SLC13A5: variants seen among roughly 807,000 people sequenced by gnomAD.
SLC13A5 encodes the protein solute carrier family 13 member 5, also known as Na(+)/citrate cotransporter.
SLC13A5 carries 25 observed loss-of-function variants against 56.5 expected under a neutral mutation model. The ratio of observed to expected loss-of-function variants is 0.44; its 90% CI spans 0.32 to 0.62. SLC13A5 has a LOEUF of 0.62. Among genes scored for constraint, SLC13A5 ranks in the 20% least tolerant of loss-of-function variants. The pLI is 0.04. For missense variants in SLC13A5, 649 were observed against 737.8 expected, an observed-to-expected ratio of 0.88 and a Z score of 1.39; for synonymous variants, 307 against 301.5, an observed-to-expected ratio of 1.02 and a Z score of -0.19.
chr17:6,696,364 T>C (rs218669), intron 6 of SLC13A5, among the ~76,000 whole-genome samples: 98,749 of 152,148 alleles, frequency 0.65, 33,626 homozygotes, highest in African/African-American at 0.85. Context: ...CTCAGGGAGA[T>C]GCAGGGAGTG....
At position 6,701,673 on chromosome 17, in the gene SLC13A5, G is replaced by A. The variant is rs1282086358; in HGVS notation, c.717-547C>T. ...TGCAGTGAGCCAACATCGCGCCACTGCACTCCAGCCTGGGCGACAGAGCGA... is the reference window on the plus strand; with the variant it reads ...TGCAGTGAGCCAACATCGCGCCACTACACTCCAGCCTGGGCGACAGAGCGA... On this transcript the variant is annotated intron_variant, in intron 5 of 11. Transcript: ENST00000433363. This position sits in a 1 kb window ranked among gnomAD's most constrained non-coding sequence, Gnocchi z 4.1. 1.3e-5 allele frequency among the ~76,000 whole-genome samples: 2 copies of A among 152,218 alleles called. No homozygotes were observed. Among genetic ancestry groups the A allele is most frequent in the African/African-American group, 4.8e-5 (2 of 41,456 alleles).
chr17:6,697,996 G>A (rs546775334), intron 6 of SLC13A5, among the ~76,000 whole-genome samples: 114 of 152,338 alleles, frequency 7.5e-4, no homozygotes, highest in Non-Finnish European at 1.5e-3. Flanking sequence ...GGCCTCAGGT[G>A]GGGAGGTCCA....
rs1293320533 is a variant in SLC13A5 at position 6,693,142 on chromosome 17, G to A, written c.1177C>T (p.Pro393Ser). Residue 393 changes from proline to serine, a missense_variant, in exon 9 of 12, where the codon CCC (proline) becomes TCC (serine). Pro to Ser is a moderately conservative substitution (Grantham distance 74, BLOSUM62 -1). Coordinates refer to ENST00000433363, the MANE Select transcript of SLC13A5 (RefSeq NM_177550.5). ...ACCTTCCAATCCAGCAGGGGAGGGG[G>A]ATAAAATGGAGTTTTCCTTTCTGGG... Reference protein sequence around the residue: ...TEEERKTPFYPPPLLDWKVTQ... With the variant: ...TEEERKTPFYSPPLLDWKVTQ... 2 of 1,605,094 alleles carry A rather than the reference G, an allele frequency of 1.2e-6. No homozygotes were observed. Among genetic ancestry groups the A allele is most frequent in the East Asian group, 2.3e-5 (1 of 43,808 alleles).
At chr17:6,700,004 G>A (rs376108918) in intron 6 of SLC13A5, among the ~76,000 whole-genome samples, 3 of 152,102 alleles carry the variant, frequency 2.0e-5, no homozygotes, top group South Asian at 2.1e-4. Flanking sequence ...ACAGGTTTCC[G>A]TGGGCACTTT....
chr17:6,709,272 C>T (rs1055079862), intron 1 of SLC13A5, among the ~76,000 whole-genome samples: 5 of 149,894 alleles, frequency 3.3e-5, no homozygotes, highest in East Asian at 1.9e-4. Flanking sequence ...TATTTATTTA[C>T]TTACTTACTT....
chr17:6,706,936 TC>T (rs771207025), intron 2 of SLC13A5, 91 bp downstream of exon 2: 2 of 1,569,448 alleles, frequency 1.3e-6, no homozygotes, highest in Admixed American at 3.5e-5. Flanking sequence ...GGTTTTCCGG[TC>T]ACCCCCAGGC....
intron 5 of SLC13A5, 66 bp downstream of exon 5, chr17:6,702,904 G>A (rs1043565630): frequency 1.3e-6 from 2 of 1,563,450 alleles, no homozygotes; most frequent in African/African-American, 2.7e-5. Context: ...GCAGAGAGAG[G>A]TGGGCAGGTC....
chr17:6,696,015 G>A, intron 6 of SLC13A5, 74 bp from the exon 7 acceptor site: 1 of 1,374,960 alleles, frequency 7.3e-7, no homozygotes, highest in Non-Finnish European at 1.0e-6. Flanking sequence ...GAGCCTAAAT[G>A]TTCTACAGCA....
At position 6,687,012 on chromosome 17, in the gene SLC13A5, G is replaced by C. The variant is rs954458284; in HGVS notation, c.1575+517C>G. The C allele has an allele frequency of 6.2e-6, 1 of 162,394 alleles. No individual in the cohort carries two copies. The highest frequency in any genetic ancestry group is 2.4e-5 in the African/African-American group (1 of 41,472). 10.1% of individuals were successfully genotyped at this position (162,394 alleles called of 1,614,324 possible). ...GCAAAGCTGCCCTTCTCCCAGCAAA[G>C]GTGACAGAGCTAATGAAGAGTTCTT... On this transcript the variant is annotated intron_variant, in intron 11 of 11. Transcript: ENST00000433363. The surrounding 1 kb of genome is among the most constrained non-coding windows in gnomAD (Gnocchi z 5.0).
intron 1 of SLC13A5, among the ~76,000 whole-genome samples, chr17:6,712,587 G>T (rs1974070266): frequency 6.6e-6 from 1 of 152,216 alleles, no homozygotes; most frequent in East Asian, 1.9e-4. Context: ...GGCAAAGCAG[G>T]CCAACCCCAA....
rs1974091689 is a variant in SLC13A5, at chr17:6,713,299, T to A, written c.35A>T (p.Lys12Met). ...ASALSYVSKF[K>M]SFVILFVTPL... ...GGTGACGAACAAGATCACGAAGGAC[T>A]TGAACTTGGAGACATAGCTCAGCGC... The change falls in exon 1 of 12, where the codon AAG becomes ATG. Residue 12 changes from lysine (K) to methionine (M), a missense_variant. By Grantham distance (95) the Lys-to-Met change is moderately conservative. Transcript: ENST00000433363. This position sits in a 1 kb window ranked among gnomAD's most constrained non-coding sequence, Gnocchi z 7.3. 1.9e-6 allele frequency: 3 copies of A among 1,613,978 alleles called. No homozygotes were observed. The highest frequency in any genetic ancestry group is 2.2e-5 in the South Asian group (2 of 91,084).
At position 6,706,822 on chromosome 17, in the gene SLC13A5, C is replaced by A. The variant is rs779677795; in HGVS notation, c.232-44G>T. 3.7e-6 allele frequency: 6 copies of A among 1,605,722 alleles called. No homozygotes were observed. The Admixed American group carries it at 1.0e-4, about 27-fold the overall frequency. On this transcript the variant is annotated intron_variant, in intron 2 of 11. Transcript: ENST00000433363. ...GCCTCATCAGGACTGTCCCTTGCCA[C>A]ACACTAGAGCCACCCAGTCCCCAGA...
At chr17:6,686,620 C>A in intron 11 of SLC13A5, 1 of 368,358 alleles carries the variant, frequency 2.7e-6, no homozygotes, top group Non-Finnish European at 5.2e-6. Flanking sequence ...TTAGGCCATT[C>A]AGGGAAACGG....
At chr17:6,691,125 C>T (rs1973396599) in intron 9 of SLC13A5, among the ~76,000 whole-genome samples, 185 bp from the exon 10 acceptor site, 2 of 152,224 alleles carry the variant, frequency 1.3e-5, no homozygotes, top group African/African-American at 4.8e-5. Flanking sequence ...GTATTTCCAG[C>T]CAGCTGGCCT....
intron 1 of SLC13A5, among the ~76,000 whole-genome samples, chr17:6,708,479 C>T (rs75448233): frequency 0.039 from 5,894 of 152,270 alleles, 156 homozygotes; most frequent in Middle Eastern, 0.065. Context: ...AATTGCAATG[C>T]GTAAGCGAAA....
chr17:6,702,415 G>C (rs992437552), intron 5 of SLC13A5, among the ~76,000 whole-genome samples: 5 of 152,146 alleles, frequency 3.3e-5, no homozygotes, highest in African/African-American at 9.7e-5. Flanking sequence ...TGGTTCACCT[G>C]ATACCTCACA....
rs1973211781 is a variant in SLC13A5 at position 6,685,309 on chromosome 17, C to T, written c.*898G>A. The T allele has an allele frequency of 6.6e-6, 1 of 152,244 alleles. No homozygotes were observed. The highest frequency in any genetic ancestry group is 2.4e-5 in the African/African-American group (1 of 41,462). 9.4% of individuals were successfully genotyped at this position (152,244 alleles called of 1,614,324 possible). ...TGGCCCCCAGAGCGCCATCACTGCC[C>T]ATACTTGGAGTGTGATCCTAGCTAT... On this transcript the variant is annotated 3_prime_UTR_variant, in exon 12 of 12. Coordinates refer to ENST00000433363, the MANE Select transcript of SLC13A5 (RefSeq NM_177550.5). This position sits in a 1 kb window ranked among gnomAD's most constrained non-coding sequence, Gnocchi z 4.2.
In SLC13A5 at chr17:6,692,157, A is replaced by C. The variant is rs562745581; in HGVS notation, c.1275+887T>G. 6.6e-6 allele frequency among the ~76,000 whole-genome samples: 1 copy of C among 151,480 alleles called. No homozygotes were observed. The highest frequency in any genetic ancestry group is 1.5e-5 in the Non-Finnish European group (1 of 67,862). On this transcript the variant is annotated intron_variant, in intron 9 of 11. Transcript: ENST00000433363. The surrounding 1 kb of genome is among the most constrained non-coding windows in gnomAD (Gnocchi z 5.5). ...GATGGATGGATGGATGGATGGATGG[A>C]TGGATGGATAGATGGGTGGATGGAT... is the stretch of plus-strand genomic sequence containing the variant.
chr17:6,691,059 C>T, intron 9 of SLC13A5, 119 bp from the exon 10 acceptor site: 1 of 1,086,194 alleles, frequency 9.2e-7, no homozygotes, highest in Non-Finnish European at 1.3e-6. Flanking sequence ...TCATAGGTGA[C>T]CTCATCCATT....
Sources: allele counts gnomAD v4.1 joint callset (sites outside exome capture counted in the v4.1 genomes callset), GRCh38; gene constraint gnomAD v4.1.1; non-coding constraint Gnocchi (gnomAD v3.1); transcripts MANE v1.5; gene names NCBI Gene and HGNC (gene_info 2026-07-23, HGNC 2026-07-21).